SDC4: variants seen among roughly 807,000 people sequenced by gnomAD.
SDC4 encodes syndecan-4.
A neutral mutation model predicts 20.5 loss-of-function variants in SDC4; 17 were observed. The observed-to-expected ratio is 0.83, with a 90% CI of 0.57 to 1.25. The LOEUF (loss-of-function observed/expected upper bound fraction) is 1.25, where lower values mean the gene tolerates loss of function less well. SDC4 is among the 50% of genes most tolerant of loss of function. SDC4 has a pLI of 0.00. For synonymous variants in SDC4, 107 were observed against 105.3 expected (o/e 1.02, Z -0.10); for missense variants, 241 against 252.3 (o/e 0.96, Z 0.30).
At chr20:45,348,235 G>GGCCCCCCCCCCC (rs1988062640) in intron 1 of SDC4, 90 bp downstream of exon 1, 4 of 890,280 alleles carry the variant, frequency 4.5e-6, no homozygotes, top group Non-Finnish European at 3.5e-6. Flanking sequence ...CCCCCGATCT[G>GGCCCCCCCCCCC]CCCCCCCCCA....
intron 1 of SDC4, among the ~76,000 whole-genome samples, chr20:45,336,998 C>T (rs547881633): frequency 1.3e-5 from 2 of 151,998 alleles, no homozygotes; most frequent in African/African-American, 4.8e-5. Flanking sequence ...TCAGCCACTA[C>T]CCTGTGGAGA....
At chr20:45,335,969 G>T in intron 1 of SDC4, 49 bp from the exon 2 acceptor site, 1 of 1,587,038 alleles carries the variant, frequency 6.3e-7, no homozygotes, top group South Asian at 1.1e-5. Flanking sequence ...AGTGCTCCAT[G>T]ACAGCTGATG....
chr20:45,338,976 G>A (rs1987915521), intron 1 of SDC4, among the ~76,000 whole-genome samples: 1 of 152,118 alleles, frequency 6.6e-6, no homozygotes, highest in South Asian at 2.1e-4. Context: ...GTGGTGATAG[G>A]AGGACACAGG....
intron 1 of SDC4, among the ~76,000 whole-genome samples, chr20:45,339,762 T>C (rs911121784): frequency 1.3e-5 from 2 of 152,044 alleles, no homozygotes; most frequent in African/African-American, 4.8e-5. Context: ...AATAGGGCAA[T>C]GGGCCTAGGT....
At chr20:45,343,654 C>T (rs1987987519) in intron 1 of SDC4, among the ~76,000 whole-genome samples, 1 of 152,198 alleles carries the variant, frequency 6.6e-6, no homozygotes, top group South Asian at 2.1e-4. Context: ...AGATTTCTCC[C>T]TTCCCACCTC....
chr20:45,333,357 T>G (rs6073714), intron 2 of SDC4, among the ~76,000 whole-genome samples: 114,578 of 152,212 alleles, frequency 0.75, 43,261 homozygotes, highest in East Asian at 0.95. Flanking sequence ...TAGCAACACC[T>G]GAGAGCTGGT....
At position 45,330,317 on chromosome 20, in the gene SDC4, G is replaced by A. The variant is rs143614129; in HGVS notation, c.445+49C>T. On this transcript the variant is annotated intron_variant, in intron 4 of 4. Coordinates refer to ENST00000372733, the MANE Select transcript of SDC4 (RefSeq NM_002999.4). Reference sequence around the variant, plus strand: ...CTGCCTGCAGGTGCTCTCCCCCGCTGAGCCCCATTCCACCTTCAAGGCATC... The same window carrying A: ...CTGCCTGCAGGTGCTCTCCCCCGCTAAGCCCCATTCCACCTTCAAGGCATC... 1.2e-3 allele frequency: 1,882 copies of A among 1,556,938 alleles called. 16 individuals are homozygous for A. The African/African-American group carries it at 0.021, about 18-fold the overall frequency.
At chr20:45,336,312 C>T (rs1286578115) in intron 1 of SDC4, among the ~76,000 whole-genome samples, 1 of 152,102 alleles carries the variant, frequency 6.6e-6, no homozygotes, top group Non-Finnish European at 1.5e-5. Context: ...ACTCGGGAGG[C>T]TGAGACAGGA....
intron 1 of SDC4, among the ~76,000 whole-genome samples, chr20:45,339,017 C>T (rs777744390): frequency 6.6e-6 from 1 of 152,102 alleles, no homozygotes; most frequent in Non-Finnish European, 1.5e-5. Flanking sequence ...CTCTGGAAGC[C>T]CCCTCTCTGC....
At chr20:45,332,391 C>T (rs1483210208) in intron 3 of SDC4, among the ~76,000 whole-genome samples, 1 of 152,044 alleles carries the variant, frequency 6.6e-6, no homozygotes, top group Non-Finnish European at 1.5e-5. Flanking sequence ...GAACTCCTGA[C>T]CTCAGGTGAT....
intron 3 of SDC4, among the ~76,000 whole-genome samples, chr20:45,332,234 C>T (rs1987789462): frequency 6.6e-6 from 1 of 151,086 alleles, no homozygotes. Flanking sequence ...CTGCCCACTG[C>T]AATCTCTGCC....
At chr20:45,336,551 G>A (rs1468662476) in intron 1 of SDC4, among the ~76,000 whole-genome samples, 1 of 152,192 alleles carries the variant, frequency 6.6e-6, no homozygotes, top group Non-Finnish European at 1.5e-5. Context: ...TTACAGCCGA[G>A]GGAGTCATTT....
At position 45,327,138 on chromosome 20, in the gene SDC4, G is replaced by C; in HGVS notation, c.*126C>G. ...AATGTCTCTTCTGAACACTTCAAAG[G>C]TAATCAGAGCTGGAGATACTGACAA... On this transcript the variant is annotated 3_prime_UTR_variant, in exon 5 of 5. Coordinates refer to ENST00000372733, the MANE Select transcript of SDC4 (RefSeq NM_002999.4). 1 of 965,318 alleles carries C rather than the reference G, an allele frequency of 1.0e-6. No homozygotes were observed. The highest frequency in any genetic ancestry group is 1.6e-5 in the South Asian group (1 of 61,124). The allele number at this position is 965,318 out of a possible 1,614,324, so 59.8% of individuals were successfully genotyped here. A position where few individuals can be genotyped will look rare whatever the true frequency, so the allele number is the denominator to read the frequency against.
chr20:45,342,123 C>T (rs1987960569), intron 1 of SDC4, among the ~76,000 whole-genome samples: 2 of 152,108 alleles, frequency 1.3e-5, no homozygotes, highest in African/African-American at 2.4e-5. Flanking sequence ...CTGCTGGATC[C>T]GAGGGCTAGG....
intron 1 of SDC4, among the ~76,000 whole-genome samples, chr20:45,336,466 G>C (rs1215132770): frequency 1.3e-5 from 2 of 152,206 alleles, no homozygotes; most frequent in Admixed American, 1.3e-4. Context: ...AATATGGCTA[G>C]ATATCCTTTA....
At chr20:45,330,339 C>T in intron 4 of SDC4, 27 bp downstream of exon 4, 1 of 1,606,088 alleles carries the variant, frequency 6.2e-7, no homozygotes, top group African/African-American at 1.3e-5. Context: ...ACCTTCAAGG[C>T]ATCTTATAAG....
intron 2 of SDC4, among the ~76,000 whole-genome samples, chr20:45,334,048 A>G (rs549009575): frequency 1.3e-3 from 190 of 151,402 alleles, no homozygotes; most frequent in African/African-American, 4.5e-3. Context: ...GGGCTGGAGT[A>G]CCGTGGTGCC....
intron 1 of SDC4, among the ~76,000 whole-genome samples, chr20:45,343,724 G>A (rs1284971469): frequency 6.6e-6 from 1 of 152,196 alleles, no homozygotes; most frequent in African/African-American, 2.4e-5. Context: ...CAGGAGACCT[G>A]GGCTCAGAAT....
intron 1 of SDC4, chr20:45,345,264 G>A (rs1158504972): frequency 6.6e-6 from 1 of 152,206 alleles, no homozygotes; most frequent in East Asian, 1.9e-4. Context: ...GGTGGAGTAT[G>A]TTAATTCCCT....
Sources: gnomAD v4.1 joint callset for allele counts (sites outside exome capture counted in the v4.1 genomes callset) on GRCh38, gnomAD v4.1.1 for gene constraint, MANE v1.5 for transcripts, NCBI Gene and HGNC (gene_info 2026-07-23, HGNC 2026-07-21) for gene names.